Variants in SH2D4B observed in about 807,000 individuals in gnomAD.
SH2D4B encodes SH2 domain containing 4B.
In SH2D4B, 45 loss-of-function variants were observed where a neutral mutation model predicts 61.5. The observed-to-expected ratio is 0.73, with a 90% CI of 0.58 to 0.94. The LOEUF (loss-of-function observed/expected upper bound fraction) is 0.94. Ranked by LOEUF, SH2D4B falls within the 40% of genes least tolerant of loss-of-function variation. SH2D4B has a pLI of 0.00. For missense variants in SH2D4B, 572 were observed against 574.2 expected (o/e 1.00, Z 0.04); for synonymous variants, 224 against 220.4 (o/e 1.02, Z -0.14).
At chr10:80,572,959 TATATATATATATATATATATATATATA>T (rs1299868001) in intron 3 of SH2D4B, among the ~76,000 whole-genome samples, 617 of 7,668 alleles carry the variant, frequency 0.08, 26 homozygotes, top group African/African-American at 0.098. Flanking sequence ...TATATATATA[TATATATATATATATATATATATATATA>T]TTTTTTTTTT....
At chr10:80,583,496 C>CT (rs1842207855) in intron 3 of SH2D4B, among the ~76,000 whole-genome samples, 1 of 145,016 alleles carries the variant, frequency 6.9e-6, no homozygotes, top group Middle Eastern at 3.4e-3. Context: ...TGATGAAACC[C>CT]GTCTCCACTA....
In SH2D4B at chr10:80,542,435, T is replaced by C. The variant is rs1338326975; in HGVS notation, c.184+3920T>C. ...TTTTTTCAGACAGAATCTCACTCTATTGCTCAGGCTGAAGTGCAGTGGTGT... is the reference window on the plus strand; with the variant it reads ...TTTTTTCAGACAGAATCTCACTCTACTGCTCAGGCTGAAGTGCAGTGGTGT... On this transcript the variant is annotated intron_variant, in intron 1 of 7. Transcript: ENST00000646907. Among the ~76,000 whole-genome samples, 3 of 150,172 alleles carry C rather than the reference T, an allele frequency of 2.0e-5. No homozygotes were observed. In the East Asian group the frequency reaches 5.9e-4, roughly 29 times the overall value.
chr10:80,632,534 A>G (rs540422744), intron 6 of SH2D4B, among the ~76,000 whole-genome samples: 2 of 152,224 alleles, frequency 1.3e-5, no homozygotes, highest in African/African-American at 4.8e-5. Flanking sequence ...CCCCGCTACC[A>G]TATCAGCTTG....
chr10:80,629,713 T>A (rs1842808778), intron 6 of SH2D4B, among the ~76,000 whole-genome samples: 1 of 152,228 alleles, frequency 6.6e-6, no homozygotes. Flanking sequence ...TTTATTGTGA[T>A]TTTTAAGCAC....
intron 3 of SH2D4B, among the ~76,000 whole-genome samples, chr10:80,583,382 G>A (rs1343261084): frequency 6.6e-6 from 1 of 151,990 alleles, no homozygotes; most frequent in African/African-American, 2.4e-5. Flanking sequence ...AAAGACAACA[G>A]ATGGAGCCGG....
chr10:80,601,596 G>A lies in SH2D4B; in HGVS notation c.644-1983G>A, dbSNP rs899720524. Reference sequence around the variant, plus strand: ...CAAAGCAAACTCTCCACCTGCCCTCGTGGAGTTCACAGCCTAGTGGATATT... The same window carrying A: ...CAAAGCAAACTCTCCACCTGCCCTCATGGAGTTCACAGCCTAGTGGATATT... On this transcript the variant is annotated intron_variant, in intron 4 of 7. Transcript: ENST00000646907. Among the ~76,000 whole-genome samples the A allele has an allele frequency of 7.2e-5, 11 of 152,196 alleles. No individual in the cohort carries two copies. The East Asian group carries it at 9.6e-4, about 13-fold the overall frequency.
At chr10:80,603,548 C>A (rs962077569) in intron 4 of SH2D4B, 31 bp from the exon 5 acceptor site, 8 of 1,501,436 alleles carry the variant, frequency 5.3e-6, no homozygotes, top group Middle Eastern at 4.6e-4. Context: ...GGCTGCGGAT[C>A]TGGGCTAACG....
chr10:80,604,526 C>T (rs549892304), intron 5 of SH2D4B, among the ~76,000 whole-genome samples: 3 of 152,274 alleles, frequency 2.0e-5, no homozygotes, highest in African/African-American at 7.2e-5. Context: ...CCTGCCTGCT[C>T]CTTTAACCTC....
In SH2D4B at chr10:80,634,420, T is replaced by C; in HGVS notation, c.1124T>C (p.Val375Ala). ...CAGAAAGGGTTCAAACACTTTCTTG[T>C]GGATGCTTCTGGGGATTTTTACAGC... ...RLQKGFKHFL[V>A]DASGDFYSFL... Residue 375 changes from valine (V) to alanine (A), a missense_variant, in exon 7 of 8, where the codon GTG becomes GCG. Physicochemically the swap from Val to Ala is moderately conservative, Grantham distance 64. Transcript: ENST00000646907. The C allele has an allele frequency of 6.4e-7, 1 of 1,550,558 alleles. No individual in the cohort carries two copies. Among genetic ancestry groups the C allele is most frequent in the South Asian group, 1.2e-5 (1 of 84,062 alleles).
At chr10:80,622,057 T>C (rs1405837125) in intron 6 of SH2D4B, among the ~76,000 whole-genome samples, 2 of 152,126 alleles carry the variant, frequency 1.3e-5, no homozygotes, top group Non-Finnish European at 2.9e-5. Context: ...CTTGGGGAGC[T>C]GGACCATTTT....
intron 1 of SH2D4B, among the ~76,000 whole-genome samples, chr10:80,558,131 T>C (rs879637401): frequency 6.6e-6 from 1 of 152,210 alleles, no homozygotes; most frequent in Non-Finnish European, 1.5e-5. Context: ...TTTCTGAATA[T>C]TTGAAAGAAA....
chr10:80,618,668 G>C (rs1842684644), intron 6 of SH2D4B, among the ~76,000 whole-genome samples: 1 of 152,182 alleles, frequency 6.6e-6, no homozygotes, highest in Non-Finnish European at 1.5e-5. Flanking sequence ...TGGTAATGGA[G>C]GTGTTGTCAG....
intron 3 of SH2D4B, among the ~76,000 whole-genome samples, chr10:80,587,230 G>C (rs1842270018): frequency 6.7e-6 from 1 of 149,074 alleles, no homozygotes; most frequent in African/African-American, 2.5e-5. Flanking sequence ...CTGCCTCCTG[G>C]GTTCAAGCCA....
chr10:80,621,230 A>G (rs1842715264), intron 6 of SH2D4B, among the ~76,000 whole-genome samples: 1 of 152,244 alleles, frequency 6.6e-6, no homozygotes, highest in Non-Finnish European at 1.5e-5. Context: ...TAGCAGGTAA[A>G]GGCCAGAGAT....
At chr10:80,590,986 C>T (rs1842318457) in intron 4 of SH2D4B, among the ~76,000 whole-genome samples, 2 of 150,794 alleles carry the variant, frequency 1.3e-5, no homozygotes, top group African/African-American at 4.9e-5. Flanking sequence ...TGAAGTCAGA[C>T]ACCAAAACAT....
At chr10:80,543,232 G>A (rs894269655) in intron 1 of SH2D4B, among the ~76,000 whole-genome samples, 6 of 152,134 alleles carry the variant, frequency 3.9e-5, no homozygotes, top group Non-Finnish European at 5.9e-5. Context: ...GGCCAAGGCC[G>A]GAGCCGGCTC....
At chr10:80,638,176 G>T (rs1840222064) in intron 7 of SH2D4B, among the ~76,000 whole-genome samples, 1 of 152,198 alleles carries the variant, frequency 6.6e-6, no homozygotes, top group African/African-American at 2.4e-5. Context: ...TGTGCTGCTG[G>T]ATTCAGTTTG....
chr10:80,609,371 C>T (rs200779323), intron 5 of SH2D4B, 53 bp from the exon 6 acceptor site: 348 of 1,576,006 alleles, frequency 2.2e-4, no homozygotes, highest in Non-Finnish European at 2.7e-4. Flanking sequence ...CCTCTCCCTC[C>T]GCTCTTTCTC....
intron 7 of SH2D4B, among the ~76,000 whole-genome samples, chr10:80,637,457 C>T (rs2343559): frequency 0.17 from 26,592 of 152,096 alleles, 2,822 homozygotes; most frequent in Admixed American, 0.28. Context: ...TCTTTTATTT[C>T]GTTGAGCAGT....
Sources: gnomAD v4.1 joint callset for allele counts (sites outside exome capture counted in the v4.1 genomes callset) on GRCh38, gnomAD v4.1.1 for gene constraint, MANE v1.5 for transcripts, NCBI Gene and HGNC (gene_info 2026-07-23, HGNC 2026-07-21) for gene names.